LRMDA: variants seen among roughly 807,000 people sequenced by gnomAD.
LRMDA encodes the protein leucine rich melanocyte differentiation associated, also known as leucine-rich melanocyte differentiation-associated protein.
Under a neutral mutation model 29.8 loss-of-function variants are expected in LRMDA, and 18 were observed. The observed-to-expected ratio is 0.60, with a 90% CI of 0.42 to 0.90. The LOEUF (loss-of-function observed/expected upper bound fraction) is 0.90. LRMDA is among the 40% of genes least tolerant of loss of function. The pLI is 0.00. For synonymous variants in LRMDA, 125 were observed against 109.4 expected, an observed-to-expected ratio of 1.14 and a Z score of -0.89; for missense variants, 273 against 273.9, an observed-to-expected ratio of 1.00 and a Z score of 0.02.
chr10:76,048,275 C>T, intron 4 of LRMDA, among the ~76,000 whole-genome samples: 1 of 152,040 alleles, frequency 6.6e-6, no homozygotes, highest in East Asian at 1.9e-4. Flanking sequence ...TTCATTCATT[C>T]ATGGGGCCAA....
Position 75,703,154 on chromosome 10 carries a change from A to G in LRMDA, c.131+264660A>G, listed in dbSNP as rs186442183. ...GTGTTATTGTATGGGATTTAAATCA[A>G]TAATTTTGTCAAAGCAAAATATACT... On this transcript the variant is annotated intron_variant, in intron 2 of 6. Coordinates refer to ENST00000611255, the MANE Select transcript of LRMDA (RefSeq NM_001305581.2). Among the ~76,000 whole-genome samples, 105 of 152,354 alleles carry G rather than the reference A, an allele frequency of 6.9e-4. 1 individual carries two copies. Among genetic ancestry groups the G allele is most frequent in the African/African-American group, 2.1e-3 (86 of 41,578 alleles).
intron 6 of LRMDA, among the ~76,000 whole-genome samples, chr10:76,332,667 TC>T (rs1258957906): frequency 2.0e-5 from 3 of 152,212 alleles, no homozygotes; most frequent in Non-Finnish European, 2.9e-5. Context: ...GGTGGAAGGT[TC>T]TAAATGTGCT....
chr10:76,036,826 C>G (rs969514670), intron 3 of LRMDA, among the ~76,000 whole-genome samples: 1 of 152,138 alleles, frequency 6.6e-6, no homozygotes, highest in Non-Finnish European at 1.5e-5. Context: ...ACCCTTGCTG[C>G]AACCTAAGGC....
chr10:76,422,336 C>G (rs951472484), intron 6 of LRMDA, among the ~76,000 whole-genome samples: 1 of 151,930 alleles, frequency 6.6e-6, no homozygotes, highest in African/African-American at 2.4e-5. Flanking sequence ...GAGGCCCTGA[C>G]GTAAGATTTT....
intron 5 of LRMDA, among the ~76,000 whole-genome samples, chr10:76,311,684 G>A (rs1840631419): frequency 1.3e-5 from 2 of 152,082 alleles, no homozygotes; most frequent in Admixed American, 1.3e-4. Context: ...ATTTCATATG[G>A]GGTTGGGTAG....
At chr10:76,482,613 CTTCCAG>C (rs1280576727) in intron 6 of LRMDA, among the ~76,000 whole-genome samples, 1 of 151,936 alleles carries the variant, frequency 6.6e-6, no homozygotes, top group East Asian at 1.9e-4. Flanking sequence ...ATTTGATTTG[CTTCCAG>C]TTTGGGGCTA....
At chr10:75,870,109 T>G (rs1020030996) in intron 2 of LRMDA, among the ~76,000 whole-genome samples, 1 of 152,222 alleles carries the variant, frequency 6.6e-6, no homozygotes, top group Non-Finnish European at 1.5e-5. Flanking sequence ...CCATCTTTTT[T>G]TGTAGGGCTT....
intron 6 of LRMDA, among the ~76,000 whole-genome samples, chr10:76,415,284 G>A (rs1242704212): frequency 6.6e-6 from 1 of 152,228 alleles, no homozygotes; most frequent in Non-Finnish European, 1.5e-5. Context: ...TCCAGAGTCT[G>A]AATCTTCTCC....
chr10:75,767,417 T>C (rs1843183695), intron 2 of LRMDA, among the ~76,000 whole-genome samples: 1 of 152,346 alleles, frequency 6.6e-6, no homozygotes, highest in Middle Eastern at 3.4e-3. Context: ...TTTTTTCATA[T>C]GTTTGTTGGC....
intron 5 of LRMDA, among the ~76,000 whole-genome samples, chr10:76,144,502 T>G (rs1274192827): frequency 9.9e-5 from 15 of 152,186 alleles, no homozygotes; most frequent in Non-Finnish European, 1.8e-4. Flanking sequence ...TTGTCTGTTA[T>G]TGGTGTATAA....
chr10:75,597,834 ATGT>A (rs1437471325), intron 2 of LRMDA, among the ~76,000 whole-genome samples: 1 of 152,064 alleles, frequency 6.6e-6, no homozygotes, highest in Non-Finnish European at 1.5e-5. Flanking sequence ...GGGCGCTTTT[ATGT>A]TGTTGTTGTG....
intron 2 of LRMDA, among the ~76,000 whole-genome samples, chr10:75,965,200 G>A (rs983846142): frequency 6.6e-6 from 1 of 152,120 alleles, no homozygotes; most frequent in African/African-American, 2.4e-5. Context: ...AAGAAGTGAG[G>A]CACTGCAGCA....
At chr10:75,450,977 G>C (rs1401621179) in intron 2 of LRMDA, 2 of 152,232 alleles carry the variant, frequency 1.3e-5, no homozygotes, top group African/African-American at 4.8e-5. Context: ...GCCGTTTCTG[G>C]GGAGACACTA....
rs561509509 is a variant in LRMDA at position 75,837,124 on chromosome 10, G to C, written c.132-198884G>C. On this transcript the variant is annotated intron_variant, in intron 2 of 6. Coordinates refer to ENST00000611255, the MANE Select transcript of LRMDA (RefSeq NM_001305581.2). Reference sequence around the variant, plus strand: ...TAGATAGAGATGACTTAGTACTCAAGATAGTGCTGAGTGTTGATGTAAGAG... The same window carrying C: ...TAGATAGAGATGACTTAGTACTCAACATAGTGCTGAGTGTTGATGTAAGAG... 5.3e-5 allele frequency among the ~76,000 whole-genome samples: 8 copies of C among 152,292 alleles called. 1 individual carries two copies. In the South Asian group the frequency reaches 1.7e-3, roughly 32 times the overall value.
In LRMDA at chr10:76,357,347, G is replaced by A. The variant is rs1841254282; in HGVS notation, c.601+32862G>A. ...TTTAAAGATGAGAAAGTATTACAGG[G>A]TTTCCATAAACCACGGAGTTCAGGT... On this transcript the variant is annotated intron_variant, in intron 6 of 6. Transcript: ENST00000611255. 2.0e-5 allele frequency among the ~76,000 whole-genome samples: 3 copies of A among 152,276 alleles called. No individual in the cohort carries two copies. The South Asian group carries it at 6.2e-4, about 32-fold the overall frequency.
At chr10:76,466,932 A>T (rs1273734688) in intron 6 of LRMDA, among the ~76,000 whole-genome samples, 1 of 152,252 alleles carries the variant, frequency 6.6e-6, no homozygotes, top group East Asian at 1.9e-4. Flanking sequence ...CTCTTCCAGC[A>T]CATGAATTCT....
chr10:75,670,383 A>T (rs567325789), intron 2 of LRMDA, among the ~76,000 whole-genome samples: 16 of 137,104 alleles, frequency 1.2e-4, no homozygotes, highest in Admixed American at 1.1e-3. Context: ...CTCTAACCAG[A>T]GCATTTTTTT....
intron 5 of LRMDA, among the ~76,000 whole-genome samples, chr10:76,212,059 A>T (rs1851643985): frequency 6.6e-6 from 1 of 152,118 alleles, no homozygotes; most frequent in Non-Finnish European, 1.5e-5. Context: ...CAGCAACAAG[A>T]CTCTCAGCAT....
intron 2 of LRMDA, among the ~76,000 whole-genome samples, chr10:75,512,357 A>ATT (rs56982317): frequency 1.2e-4 from 17 of 145,240 alleles, no homozygotes; most frequent in Admixed American, 5.5e-4. Context: ...GTGAGCTGTT[A>ATT]TTTTTTTTTT....
Sources: allele counts gnomAD v4.1 joint callset (sites outside exome capture counted in the v4.1 genomes callset), GRCh38; gene constraint gnomAD v4.1.1; transcripts MANE v1.5; gene names NCBI Gene and HGNC (gene_info 2026-07-23, HGNC 2026-07-21).